The following ENO3 variants were observed in gnomAD, a reference collection of about 807,000 sequenced individuals.
ENO3 encodes enolase 3.
Under a neutral mutation model 47.7 loss-of-function variants are expected in ENO3, and 46 were observed. The observed-to-expected ratio is 0.96, with a 90% CI of 0.76 to 1.23. The LOEUF (loss-of-function observed/expected upper bound fraction) is 1.23. ENO3 is among the 50% of genes most tolerant of loss of function. The pLI is 0.00. For synonymous variants in ENO3, 223 were observed against 225.9 expected (o/e 0.99, Z 0.11); for missense variants, 575 against 566.2 (o/e 1.02, Z -0.16).
At chr17:4,951,745 G>T (rs935045284) in intron 1 of ENO3, 83 bp from the exon 2 acceptor site, 298 of 1,466,452 alleles carry the variant, frequency 2.0e-4, no homozygotes, top group Non-Finnish European at 2.8e-4. Flanking sequence ...TTCTTGGAGT[G>T]GGGAAGAATC....
At chr17:4,953,887 G>A (rs1971636352) in intron 6 of ENO3, 42 bp downstream of exon 6, 2 of 1,613,664 alleles carry the variant, frequency 1.2e-6, no homozygotes, top group East Asian at 4.5e-5. Context: ...CGCCTGGACA[G>A]AGCCAACCCC....
intron 10 of ENO3, 46 bp from the exon 11 acceptor site, chr17:4,956,785 C>T: frequency 1.2e-6 from 2 of 1,614,184 alleles, no homozygotes; most frequent in Non-Finnish European, 1.7e-6. Context: ...TCCAACCCCT[C>T]CTTTCCAGCC....
At chr17:4,949,709 G>A (rs1343436542), upstream of ENO3, among the ~76,000 whole-genome samples, 1 of 152,106 alleles carries the variant, frequency 6.6e-6, no homozygotes, top group African/African-American at 2.4e-5. Context: ...CTGGGCTAGG[G>A]GCAAGGGGTC....
chr17:4,955,315 TG>T lies in ENO3; in HGVS notation c.667+24del. 1 of 1,614,108 alleles carries T rather than the reference TG, an allele frequency of 6.2e-7. No individual in the cohort carries two copies. Among genetic ancestry groups the T allele is most frequent in the Non-Finnish European group, 8.5e-7 (1 of 1,179,978 alleles). ...CAATGAGGGTCAGTGCTGAGCACCC[TG>T]GGGGGCAGACCCCCTGGATCTCCAC... is the stretch of plus-strand genomic sequence containing the variant. On this transcript the variant is annotated intron_variant, in intron 7 of 11. Transcript: ENST00000519602.
chr17:4,952,098 C>T, intron 2 of ENO3, 184 bp downstream of exon 2: 1 of 707,678 alleles, frequency 1.4e-6, no homozygotes, highest in East Asian at 2.8e-5. Context: ...TCTCTCTCTG[C>T]ACTGCCTCCT....
Position 4,955,139 on chromosome 17 carries a change from T to G in ENO3, c.509T>G (p.Ile170Ser). 4.3e-6 allele frequency: 7 copies of G among 1,614,234 alleles called. No homozygotes were observed. The highest frequency in any genetic ancestry group is 5.9e-6 in the Non-Finnish European group (7 of 1,180,040). Residue 170 changes from isoleucine to serine, a missense_variant, in exon 7 of 12, where the codon ATT (isoleucine) becomes AGT (serine). Transcript: ENST00000519602. Reference protein sequence around the residue: ...GNKLAMQEFMILPVGASSFKE... With the variant: ...GNKLAMQEFMSLPVGASSFKE... ...AAGCTGGCCATGCAGGAGTTCATGATTCTGCCTGTGGGAGCCAGCTCCTTC... is the reference window on the plus strand; with the variant it reads ...AAGCTGGCCATGCAGGAGTTCATGAGTCTGCCTGTGGGAGCCAGCTCCTTC...
In ENO3 at chr17:4,955,981, C is replaced by T. The variant is rs776868176; in HGVS notation, c.905C>T (p.Ala302Val). The stretch of plus-strand genomic sequence containing the variant: ...GACCCCTTTGACCAGGATGACTGGG[C>T]CACTTGGACCTCCTTCCTCTCGGGG... ...IEDPFDQDDW[A>V]TWTSFLSGVN... The change falls in exon 9 of 12, where the codon GCC becomes GTC. Residue 302 changes from alanine (A) to valine (V), a missense_variant. By Grantham distance (64) the Ala-to-Val change is moderately conservative (BLOSUM62 0). Coordinates refer to ENST00000519602, the MANE Select transcript of ENO3 (RefSeq NM_053013.4). 1.2e-5 allele frequency: 20 copies of T among 1,613,760 alleles called. 2 individuals carry two copies. The South Asian group carries it at 2.2e-4, about 18-fold the overall frequency.
In ENO3 at chr17:4,953,042, C is replaced by G. The variant is rs759611531; in HGVS notation, c.182-9C>G. The G allele has an allele frequency of 2.5e-6, 4 of 1,614,218 alleles. No homozygotes were observed. In the South Asian group the frequency reaches 3.3e-5, roughly 13 times the overall value. ...TTGAGCTCCAAAACTCATCCTCTGG[C>G]CTGTCTAGGAGTCCTGAAGGCTGTG... On this transcript the variant is annotated splice_polypyrimidine_tract_variant and intron_variant, in intron 3 of 11. Coordinates refer to ENST00000519602, the MANE Select transcript of ENO3 (RefSeq NM_053013.4).
chr17:4,955,375 G>A, intron 7 of ENO3, 32 bp from the exon 8 acceptor site: 3 of 1,614,242 alleles, frequency 1.9e-6, no homozygotes, highest in Admixed American at 3.3e-5. Context: ...AGGGGCACTG[G>A]AGTCTCAGGT....
intron 3 of ENO3, 32 bp from the exon 4 acceptor site, chr17:4,953,019 G>A (rs370041604): frequency 9.3e-6 from 15 of 1,613,860 alleles, no homozygotes; most frequent in Non-Finnish European, 1.2e-5. Flanking sequence ...CCAGTTGATT[G>A]AGCTCCAAAA....
intron 1 of ENO3, chr17:4,951,581 T>G (rs1597695590): frequency 4.0e-6 from 2 of 498,086 alleles, no homozygotes; most frequent in Non-Finnish European, 7.3e-6. Context: ...GGGGGCTTGG[T>G]GAGCGGTGGC....
In ENO3 at chr17:4,955,404, C is replaced by A; in HGVS notation, c.668-3C>A. 2 of 1,614,248 alleles carry A rather than the reference C, an allele frequency of 1.2e-6. No homozygotes were observed. The highest frequency in any genetic ancestry group is 4.5e-5 in the East Asian group (2 of 44,890). ...CTCAGGTCCTTTCTTGGTCCTCCCCCAGCCCTGGAGCTGCTGAAGACGGCC... is the reference window on the plus strand; with the variant it reads ...CTCAGGTCCTTTCTTGGTCCTCCCCAAGCCCTGGAGCTGCTGAAGACGGCC... On this transcript the variant is annotated splice_polypyrimidine_tract_variant and splice_region_variant and intron_variant, in intron 7 of 11. Coordinates refer to ENST00000519602, the MANE Select transcript of ENO3 (RefSeq NM_053013.4).
At chr17:4,951,800 A>C (rs1275228186) in intron 1 of ENO3, 28 bp from the exon 2 acceptor site, 3 of 1,610,202 alleles carry the variant, frequency 1.9e-6, no homozygotes, top group Non-Finnish European at 1.7e-6. Flanking sequence ...TCAACTGTCT[A>C]CACTCACTCA....
At chr17:4,952,727 G>A in intron 2 of ENO3, 68 bp from the exon 3 acceptor site, 1 of 1,493,058 alleles carries the variant, frequency 6.7e-7, no homozygotes, top group Non-Finnish European at 9.1e-7. Context: ...CTCTCAAAGT[G>A]CTGGGATTAC....
upstream of ENO3, chr17:4,950,515 G>T (rs994488908): frequency 5.8e-5 from 57 of 977,474 alleles, no homozygotes; most frequent in African/African-American, 9.3e-4. Flanking sequence ...CGCCTTGCCA[G>T]CCGAAAGGGC....
At position 4,951,861 on chromosome 17, in the gene ENO3, T is replaced by C; in HGVS notation, c.32T>C (p.Ile11Thr). 6.2e-7 allele frequency: 1 copy of C among 1,614,082 alleles called. No individual in the cohort carries two copies. Residue 11 changes from isoleucine to threonine, a missense_variant, in exon 2 of 12, where the codon ATC becomes ACC. Transcript: ENST00000519602. Reference sequence around the variant, plus strand: ...ATGCAGAAAATCTTTGCCCGGGAAATCTTGGACTCCAGGGGCAACCCCACG... The same window carrying C: ...ATGCAGAAAATCTTTGCCCGGGAAACCTTGGACTCCAGGGGCAACCCCACG... MAMQKIFARE[I>T]LDSRGNPTVE...
rs533616414 is a variant in ENO3 at position 4,951,941 on chromosome 17, C to A, written c.85+27C>A. ...TAACACAAGGCCCATTGGATAGGCT[C>A]GCCTCCGAAGACCCCAACCCTTTGG... is the stretch of plus-strand genomic sequence containing the variant. On this transcript the variant is annotated intron_variant, in intron 2 of 11. Transcript: ENST00000519602. 5.0e-6 allele frequency: 8 copies of A among 1,612,872 alleles called. No homozygotes were observed. In the East Asian group the frequency reaches 1.8e-4, roughly 36 times the overall value.
At position 4,953,265 on chromosome 17, in the gene ENO3, C is replaced by T. The variant is rs1442421562; in HGVS notation, c.241-7C>T. ...TCTGCTCTCCCTTCTCAAACTCACC[C>T]TTCCAGAAACTAAGCGTTGTGGATC... On this transcript the variant is annotated splice_polypyrimidine_tract_variant and splice_region_variant and intron_variant, in intron 4 of 11. Transcript: ENST00000519602. 3 of 1,614,082 alleles carry T rather than the reference C, an allele frequency of 1.9e-6. No individual in the cohort carries two copies. Among genetic ancestry groups the T allele is most frequent in the African/African-American group, 1.3e-5 (1 of 74,934 alleles).
rs1597695777 is a variant in ENO3 at position 4,951,712 on chromosome 17, T to A, written c.-2-116T>A. 3 of 1,134,918 alleles carry A rather than the reference T, an allele frequency of 2.6e-6. No homozygotes were observed. The South Asian group carries it at 3.7e-5, about 14-fold the overall frequency. 70.3% of individuals were successfully genotyped at this position (1,134,918 alleles called of 1,614,324 possible). A position where few individuals can be genotyped will look rare whatever the true frequency, so the allele number is the denominator to read the frequency against. On this transcript the variant is annotated intron_variant, in intron 1 of 11. Coordinates refer to ENST00000519602, the MANE Select transcript of ENO3 (RefSeq NM_053013.4). The stretch of plus-strand genomic sequence containing the variant: ...TTTGGTCTGTGACCTTTTTGTAGGG[T>A]ATTTTTAGCTCCAGCACCTGCCTTC...
Sources: allele counts gnomAD v4.1 joint callset (sites outside exome capture counted in the v4.1 genomes callset), GRCh38; gene constraint gnomAD v4.1.1; transcripts MANE v1.5; gene names NCBI Gene and HGNC (gene_info 2026-07-23, HGNC 2026-07-21).